SLC18A2: variants seen among roughly 807,000 people sequenced by gnomAD.
SLC18A2 encodes synaptic vesicular amine transporter.
SLC18A2 carries 33 observed loss-of-function variants against 59.2 expected under a neutral mutation model. That is an observed-to-expected ratio of 0.56 (90% CI 0.42 to 0.75). The LOEUF is 0.75. Among genes scored for constraint, SLC18A2 ranks in the 30% least tolerant of loss-of-function variants. The pLI is 0.00. For synonymous variants in SLC18A2, 228 were observed against 253.5 expected (o/e 0.90, Z 0.95); for missense variants, 569 against 668.6 (o/e 0.85, Z 1.64).
At chr10:117,270,893 G>A (rs1034586771) in intron 15 of SLC18A2, among the ~76,000 whole-genome samples, 2 of 152,152 alleles carry the variant, frequency 1.3e-5, no homozygotes, top group Non-Finnish European at 2.9e-5. Flanking sequence ...TTTACTGTAT[G>A]TAGGATTTTA....
chr10:117,244,064 C>CA lies in SLC18A2; in HGVS notation c.216dup (p.Asp73ArgfsTer11), dbSNP rs1265323526. ...AGGCCAGTGCACACTGCCTCCATCT[C>CA]AGACAGCTTCCAGAGCATCTTCTCC... On this transcript the variant is annotated frameshift_variant, in exon 3 of 16. Coordinates refer to ENST00000644641, the MANE Select transcript of SLC18A2 (RefSeq NM_003054.6). LOFTEE classifies it high-confidence loss of function. 1.7e-5 allele frequency: 27 copies of CA among 1,614,106 alleles called. No individual in the cohort carries two copies. In the Admixed American group the frequency reaches 4.5e-4, roughly 27 times the overall value.
In SLC18A2 at chr10:117,277,263, C is replaced by A; in HGVS notation, c.1542C>A (p.Asp514Glu). The A allele has an allele frequency of 6.4e-7, 1 of 1,567,786 alleles. No homozygotes were observed. The highest frequency in any genetic ancestry group is 8.8e-7 in the Non-Finnish European group (1 of 1,140,684). ...PIGEDEESES[D>E] ...GTGAAGATGAAGAATCTGAAAGTGA[C>A]TGAGATGAGATCCTCAAAAATCATC... Residue 514 changes from aspartate to glutamate, a missense_variant, in exon 16 of 16, where the codon GAC becomes GAA. Coordinates refer to ENST00000644641, the MANE Select transcript of SLC18A2 (RefSeq NM_003054.6).
rs74159133 is a variant in SLC18A2, at chr10:117,256,160, G to A, written c.895+503G>A. Among the ~76,000 whole-genome samples the A allele has an allele frequency of 6.8e-3, 1,043 of 152,332 alleles. 10 individuals carry two copies. Among genetic ancestry groups the A allele is most frequent in the African/African-American group, 0.023 (960 of 41,574 alleles). On this transcript the variant is annotated intron_variant, in intron 9 of 15. Coordinates refer to ENST00000644641, the MANE Select transcript of SLC18A2 (RefSeq NM_003054.6). ...ATCCCTGCCGAGCAGCAGGGAGGCC[G>A]TTCAAACACCCTTTGGCTAAAGGAC...
chr10:117,272,556 C>T (rs1035848808), intron 15 of SLC18A2, among the ~76,000 whole-genome samples: 28 of 152,286 alleles, frequency 1.8e-4, no homozygotes, highest in African/African-American at 6.5e-4. Context: ...TAAACGAATA[C>T]TTCAGTTCAT....
At chr10:117,252,904 T>G (rs1589979419) in intron 3 of SLC18A2, among the ~76,000 whole-genome samples, 1 of 152,132 alleles carries the variant, frequency 6.6e-6, no homozygotes, top group African/African-American at 2.4e-5. Context: ...GCACAGAAAA[T>G]GAGACTTTGT....
rs1175980804 is a variant in SLC18A2, at chr10:117,269,060, AAC to A, written c.1187-1007_1187-1006del. 6.6e-6 allele frequency among the ~76,000 whole-genome samples: 1 copy of A among 151,926 alleles called. No homozygotes were observed. The highest frequency in any genetic ancestry group is 1.5e-5 in the Non-Finnish European group (1 of 67,956). ...CATACACACATACACCCCCCACATA[AAC>A]ACATACACATACACAAATATACATA... On this transcript the variant is annotated intron_variant, in intron 13 of 15. Coordinates refer to ENST00000644641, the MANE Select transcript of SLC18A2 (RefSeq NM_003054.6). The surrounding 1 kb of genome is among the most constrained non-coding windows in gnomAD (Gnocchi z 5.1).
chr10:117,245,823 G>A (rs1163584719), intron 3 of SLC18A2, among the ~76,000 whole-genome samples: 2 of 152,056 alleles, frequency 1.3e-5, no homozygotes, highest in Non-Finnish European at 2.9e-5. Context: ...AGCTTGAGTC[G>A]GACAGGAGCA....
intron 13 of SLC18A2, among the ~76,000 whole-genome samples, chr10:117,268,939 T>C (rs1018743075): frequency 2.6e-5 from 4 of 151,714 alleles, no homozygotes; most frequent in African/African-American, 9.7e-5. Flanking sequence ...AAAACACACA[T>C]GCACACACAT....
At chr10:117,242,676 C>T (rs906494036) in intron 2 of SLC18A2, among the ~76,000 whole-genome samples, 9 of 152,136 alleles carry the variant, frequency 5.9e-5, no homozygotes, top group Non-Finnish European at 1.0e-4. Context: ...GTGCTCACAG[C>T]TTCGATTATA....
At position 117,241,738 on chromosome 10, in the gene SLC18A2, C is replaced by A. The variant is rs371946127; in HGVS notation, c.45C>A (p.Ser15Arg). 2.4e-5 allele frequency: 39 copies of A among 1,608,616 alleles called. No individual in the cohort carries two copies. In the African/African-American group the frequency reaches 4.4e-4, roughly 18 times the overall value. The change falls in exon 2 of 16, where the codon AGC (serine) becomes AGA (arginine). Residue 15 changes from serine (S) to arginine (R), a missense_variant. Physicochemically the swap from Ser to Arg is moderately radical, Grantham distance 110. Coordinates refer to ENST00000644641, the MANE Select transcript of SLC18A2 (RefSeq NM_003054.6). Reference protein sequence around the residue: ...ELALVRWLQESRRSRKLILFI... With the variant: ...ELALVRWLQERRRSRKLILFI... ...CGCTGGTCCGCTGGCTGCAGGAGAG[C>A]CGCCGCTCGCGGAAGCTCATCCTGT...
chr10:117,242,935 T>C (rs913691208), intron 2 of SLC18A2, among the ~76,000 whole-genome samples: 3 of 152,340 alleles, frequency 2.0e-5, no homozygotes, highest in African/African-American at 4.8e-5. Flanking sequence ...TTTTGCCATG[T>C]TGGCCAGGCT....
At chr10:117,274,298 T>C (rs363276) in intron 15 of SLC18A2, among the ~76,000 whole-genome samples, 116,998 of 152,078 alleles carry the variant, frequency 0.77, 45,660 homozygotes, top group Non-Finnish European at 0.85. Flanking sequence ...AATATGTTTT[T>C]GGTGAATTGA....
chr10:117,274,189 A>G (rs577958387), intron 15 of SLC18A2, among the ~76,000 whole-genome samples: 1 of 152,318 alleles, frequency 6.6e-6, no homozygotes, highest in Non-Finnish European at 1.5e-5. Context: ...TTATTGCACA[A>G]TAGATCTTTC....
intron 10 of SLC18A2, among the ~76,000 whole-genome samples, chr10:117,264,886 C>T (rs971086280): frequency 6.6e-5 from 10 of 152,154 alleles, no homozygotes; most frequent in Admixed American, 1.3e-4. Flanking sequence ...CTTGGCCAGA[C>T]GCAGTTCCAG....
Position 117,244,318 on chromosome 10 carries a change from G to C in SLC18A2, c.464+5G>C. On this transcript the variant is annotated splice_donor_5th_base_variant and intron_variant, in intron 3 of 15. Transcript: ENST00000644641. Reference sequence around the variant, plus strand: ...CATAGGACTACTGACCAACAGGTAGGGCAGACTACTTTAGTCAAAGAGTTT... The same window carrying C: ...CATAGGACTACTGACCAACAGGTAGCGCAGACTACTTTAGTCAAAGAGTTT... 1 of 1,609,870 alleles carries C rather than the reference G, an allele frequency of 6.2e-7. No homozygotes were observed. Among genetic ancestry groups the C allele is most frequent in the Middle Eastern group, 1.7e-4 (1 of 6,056 alleles).
rs1487265426 is a variant in SLC18A2, at chr10:117,278,887, C to A, written c.*1621C>A. 1 of 152,188 alleles carries A rather than the reference C, an allele frequency of 6.6e-6. No individual in the cohort carries two copies. The highest frequency in any genetic ancestry group is 2.4e-5 in the African/African-American group (1 of 41,442). 9.4% of individuals were successfully genotyped at this position (152,188 alleles called of 1,614,324 possible). On this transcript the variant is annotated 3_prime_UTR_variant, in exon 16 of 16. Transcript: ENST00000644641. ...CTTTGGAAGATGGCTCTGGAGGAAA[C>A]TCTCATATGGCTAAAAAGGCAGGCT...
rs781713566 is a variant in SLC18A2, at chr10:117,270,312, TTC to T, written c.1307-14_1307-13del. The stretch of plus-strand genomic sequence containing the variant: ...AGACATTTGGAAGAGCTTTATCTAA[TTC>T]TCTGTTTCCTGAAAGGTCCTTCTGC... On this transcript the variant is annotated splice_polypyrimidine_tract_variant and intron_variant, in intron 14 of 15. Coordinates refer to ENST00000644641, the MANE Select transcript of SLC18A2 (RefSeq NM_003054.6). 2.5e-6 allele frequency: 4 copies of T among 1,614,100 alleles called. No homozygotes were observed. Among genetic ancestry groups the T allele is most frequent in the South Asian group, 1.1e-5 (1 of 91,002 alleles).
intron 3 of SLC18A2, among the ~76,000 whole-genome samples, chr10:117,251,622 T>C (rs1213489560): frequency 6.6e-6 from 1 of 152,214 alleles, no homozygotes; most frequent in East Asian, 1.9e-4. Flanking sequence ...ACTCTCTGTA[T>C]TTTTGGTATT....
rs57101171 is a variant in SLC18A2, at chr10:117,252,134, ATTTTTTTTTTT to A, written c.465-1246_465-1236del. On this transcript the variant is annotated intron_variant, in intron 3 of 15. Transcript: ENST00000644641. ...CTACTATGCCTGACTCATTTTTTGT[ATTTTTTTTTTT>A]TTTTTTTTTTTTTTTTTTAGTACAG... Among the ~76,000 whole-genome samples, 312 of 44,356 alleles carry A rather than the reference ATTTTTTTTTTT, an allele frequency of 7.0e-3. 3 individuals are homozygous for A. The highest frequency in any genetic ancestry group is 0.019 in the African/African-American group (273 of 14,282). The allele number at this position is 44,356 out of a possible 152,430, so 29.1% of individuals were successfully genotyped here. A position where few individuals can be genotyped will look rare whatever the true frequency, so the allele number is the denominator to read the frequency against.
Sources: gnomAD v4.1 joint callset for allele counts (sites outside exome capture counted in the v4.1 genomes callset) on GRCh38, gnomAD v4.1.1 for gene constraint, Gnocchi (gnomAD v3.1) non-coding constraint, MANE v1.5 for transcripts, NCBI Gene and HGNC (gene_info 2026-07-23, HGNC 2026-07-21) for gene names.